Variants in ASTL observed in about 807,000 individuals in gnomAD.
The protein encoded by ASTL is astacin like metalloendopeptidase.
In ASTL, 27 loss-of-function variants were observed where a neutral mutation model predicts 36.7. That is an observed-to-expected ratio of 0.73 (90% confidence interval 0.54 to 1.01). The LOEUF (loss-of-function observed/expected upper bound fraction) is 1.01. Among genes scored for constraint, ASTL ranks in the 50% least tolerant of loss-of-function variants. ASTL has a pLI of 0.00. For synonymous variants in ASTL, 222 were observed against 228.1 expected (o/e 0.97, Z 0.24); for missense variants, 524 against 572.8 (o/e 0.91, Z 0.87).
At chr2:96,126,585 C>T (rs946155771) in intron 8 of ASTL, among the ~76,000 whole-genome samples, 10 of 152,132 alleles carry the variant, frequency 6.6e-5, no homozygotes, top group Non-Finnish European at 1.5e-4. Flanking sequence ...ATCTTAGGCA[C>T]AGTGGCTCAC....
chr2:96,137,498 TTC>T, intron 2 of ASTL, 75 bp downstream of exon 2: 1 of 1,515,244 alleles, frequency 6.6e-7, no homozygotes, highest in Non-Finnish European at 9.1e-7. Flanking sequence ...GGCTCTGCAT[TTC>T]TGAGTGTTCG....
At chr2:96,138,113 G>A (rs1682342960) in intron 1 of ASTL, among the ~76,000 whole-genome samples, 1 of 152,142 alleles carries the variant, frequency 6.6e-6, no homozygotes, top group Admixed American at 6.5e-5. Context: ...GGCTGGAGTG[G>A]GGACTTACAG....
At chr2:96,134,907 C>T (rs574576249) in intron 3 of ASTL, among the ~76,000 whole-genome samples, 1 of 152,334 alleles carries the variant, frequency 6.6e-6, no homozygotes, top group East Asian at 1.9e-4. Flanking sequence ...AGATGCGGCC[C>T]CTCGACCACA....
At position 96,124,866 on chromosome 2, in the gene ASTL, C is replaced by T. The variant is rs2104762678; in HGVS notation, c.875-595G>A. Among the ~76,000 whole-genome samples the T allele has an allele frequency of 6.6e-6, 1 of 152,294 alleles. No homozygotes were observed. Among genetic ancestry groups the T allele is most frequent in the Non-Finnish European group, 1.5e-5 (1 of 68,014 alleles). On this transcript the variant is annotated intron_variant, in intron 8 of 8. Transcript: ENST00000342380. This position sits in a 1 kb window ranked among gnomAD's most constrained non-coding sequence, Gnocchi z 4.1. ...CCTCCTGCGCATGCAGCGAGGGCTTCACCAGGAGCCTCTTCCCTCAGCTGA... is the reference window on the plus strand; with the variant it reads ...CCTCCTGCGCATGCAGCGAGGGCTTTACCAGGAGCCTCTTCCCTCAGCTGA...
At chr2:96,135,297 C>T (rs1426183508) in intron 3 of ASTL, 54 bp downstream of exon 3, 5 of 1,519,188 alleles carry the variant, frequency 3.3e-6, no homozygotes, top group Non-Finnish European at 3.6e-6. Flanking sequence ...CTCAGAGGAC[C>T]TGTCGCCAAC....
chr2:96,130,078 C>T lies in ASTL; in HGVS notation c.705G>A (p.Val235=), dbSNP rs1682143393. The T allele has an allele frequency of 6.2e-7, 1 of 1,614,088 alleles. No individual in the cohort carries two copies. Among genetic ancestry groups the T allele is most frequent in the South Asian group, 1.1e-5 (1 of 91,088 alleles). ...NMLTPYDYSS[V]MHYGRLAFSR... ...AGGGTCCTCACCTCCCATAGTGCATCACAGAGGAGTAGTCATAGGGCGTCA... is the reference window on the plus strand; with the variant it reads ...AGGGTCCTCACCTCCCATAGTGCATTACAGAGGAGTAGTCATAGGGCGTCA... The change falls in exon 7 of 9, where the codon GTG becomes GTA. Residue 235 remains valine, a synonymous_variant. Transcript: ENST00000342380.
Position 96,123,472 on chromosome 2 carries a change from C to T in ASTL, c.*378G>A, listed in dbSNP as rs1681997643. Among the ~76,000 whole-genome samples, 1 of 152,160 alleles carries T rather than the reference C, an allele frequency of 6.6e-6. No homozygotes were observed. Among genetic ancestry groups the T allele is most frequent in the Non-Finnish European group, 1.5e-5 (1 of 68,000 alleles). ...GAGGTAGGGACACCATTAGTCCATG[C>T]TGGGGGGCAGGGCCTCAGGCACAGG... On this transcript the variant is annotated 3_prime_UTR_variant, in exon 9 of 9. Transcript: ENST00000342380.
At chr2:96,133,932 G>A (rs1682240071) in intron 4 of ASTL, 33 bp downstream of exon 4, 1 of 1,440,866 alleles carries the variant, frequency 6.9e-7, no homozygotes, top group Non-Finnish European at 9.8e-7. Context: ...AGAAGGGGCT[G>A]AGGCAGGGAG....
At chr2:96,133,312 G>T in intron 5 of ASTL, 113 bp downstream of exon 5, 1 of 813,480 alleles carries the variant, frequency 1.2e-6, no homozygotes, top group South Asian at 1.5e-5. Flanking sequence ...GGGTGGGCAG[G>T]GAGACTGAGC....
Position 96,129,995 on chromosome 2 carries a change from GACCCCTGAGTCCAGATC to G in ASTL, c.720-34_720-18del. 6.2e-7 allele frequency: 1 copy of G among 1,606,742 alleles called. No individual in the cohort carries two copies. Among genetic ancestry groups the G allele is most frequent in the Non-Finnish European group, 8.5e-7 (1 of 1,173,848 alleles). ...AAGGCGAGCCTGGAACCCAGCGGGA[GACCCCTGAGTCCAGATC>G]ACCACGGGAGAGGCTGGGGGAAGCA... is the stretch of plus-strand genomic sequence containing the variant. On this transcript the variant is annotated intron_variant, in intron 7 of 8. Coordinates refer to ENST00000342380, the MANE Select transcript of ASTL (RefSeq NM_001002036.4).
chr2:96,123,823 C>T lies in ASTL; in HGVS notation c.*27G>A. 2 of 1,594,666 alleles carry T rather than the reference C, an allele frequency of 1.3e-6. No homozygotes were observed. Among genetic ancestry groups the T allele is most frequent in the Middle Eastern group, 1.7e-4 (1 of 5,982 alleles). On this transcript the variant is annotated 3_prime_UTR_variant, in exon 9 of 9. Coordinates refer to ENST00000342380, the MANE Select transcript of ASTL (RefSeq NM_001002036.4). ...AGCTCCACTGGGCAGAGGATGCCCTCCCTACTTGGGGACAGAAGCCACAGG... is the reference window on the plus strand; with the variant it reads ...AGCTCCACTGGGCAGAGGATGCCCTTCCTACTTGGGGACAGAAGCCACAGG...
rs1188663804 is a variant in ASTL, at chr2:96,132,869, T to C, written c.456-148A>G. On this transcript the variant is annotated intron_variant, in intron 5 of 8. Coordinates refer to ENST00000342380, the MANE Select transcript of ASTL (RefSeq NM_001002036.4). This position sits in a 1 kb window ranked among gnomAD's most constrained non-coding sequence, Gnocchi z 5.4. ...TGGGCTCTAGTCTCAGGTTCACCAT[T>C]CTCCAGGCCCCTTTACTGCCTGGAC... 3 of 703,680 alleles carry C rather than the reference T, an allele frequency of 4.3e-6. No individual in the cohort carries two copies. Among genetic ancestry groups the C allele is most frequent in the Non-Finnish European group, 6.7e-6 (3 of 445,000 alleles). 43.6% of individuals were successfully genotyped at this position (703,680 alleles called of 1,614,324 possible). A position where few individuals can be genotyped will look rare whatever the true frequency, so the allele number is the denominator to read the frequency against.
At chr2:96,128,798 G>A (rs1199791436) in intron 8 of ASTL, among the ~76,000 whole-genome samples, 2 of 152,050 alleles carry the variant, frequency 1.3e-5, no homozygotes, top group African/African-American at 2.4e-5. Context: ...CCTGTCAATC[G>A]GGAGGCCAAG....
intron 2 of ASTL, among the ~76,000 whole-genome samples, chr2:96,136,255 C>G (rs547439596): frequency 6.6e-6 from 1 of 152,368 alleles, no homozygotes; most frequent in East Asian, 1.9e-4. Context: ...GAGCCAGACT[C>G]CTGTCCCTTA....
intron 2 of ASTL, 51 bp downstream of exon 2, chr2:96,137,524 A>G (rs1482457324): frequency 2.5e-6 from 4 of 1,582,512 alleles, no homozygotes; most frequent in Non-Finnish European, 3.5e-6. Flanking sequence ...TGGTTTTCAC[A>G]CTACATAACG....
chr2:96,126,809 T>C (rs952998674), intron 8 of ASTL, among the ~76,000 whole-genome samples: 6 of 151,708 alleles, frequency 4.0e-5, no homozygotes, highest in Non-Finnish European at 7.4e-5. Context: ...TGAGGCAAGA[T>C]TGCATCATTG....
chr2:96,123,131 C>A lies in ASTL; in HGVS notation c.*719G>T, dbSNP rs1309160121. Reference sequence around the variant, plus strand: ...AAGCCAGGTAACCCCAGCCCTTTCTCCTTCCAAGGCTGCGCCTGGCTGAGC... The same window carrying A: ...AAGCCAGGTAACCCCAGCCCTTTCTACTTCCAAGGCTGCGCCTGGCTGAGC... On this transcript the variant is annotated 3_prime_UTR_variant, in exon 9 of 9. Transcript: ENST00000342380. 6.6e-6 allele frequency among the ~76,000 whole-genome samples: 1 copy of A among 152,230 alleles called. No individual in the cohort carries two copies. Among genetic ancestry groups the A allele is most frequent in the Non-Finnish European group, 1.5e-5 (1 of 68,032 alleles).
rs1682242600 is a variant in ASTL, at chr2:96,134,024, T to C, written c.278A>G (p.Lys93Arg). 1.2e-6 allele frequency: 2 copies of C among 1,613,798 alleles called. No individual in the cohort carries two copies. The highest frequency in any genetic ancestry group is 2.2e-5 in the East Asian group (1 of 44,876). Residue 93 changes from lysine to arginine, a missense_variant, in exon 4 of 9, where the codon AAA (lysine) becomes AGA (arginine). By Grantham distance (26) the Lys-to-Arg change is conservative. Transcript: ENST00000342380. ...PFRLLSATSN[K>R]WPMGGSGVVE... ...GACACCACTACCACCCATGGGCCAT[T>C]TGTTGCTGGTTGCTGACAGCAGTCG...
In ASTL at chr2:96,134,064, G is replaced by T; in HGVS notation, c.244-6C>A. On this transcript the variant is annotated splice_region_variant and splice_polypyrimidine_tract_variant and intron_variant, in intron 3 of 8. Transcript: ENST00000342380. ...GACAGCAGTCGGAAGGGACTCTGAG[G>T]AGAGAGCAGCAGTTCAACCCCTGGG... 6.2e-7 allele frequency: 1 copy of T among 1,608,558 alleles called. No homozygotes were observed. The highest frequency in any genetic ancestry group is 1.1e-5 in the South Asian group (1 of 90,914).
Sources: allele counts gnomAD v4.1 joint callset (sites outside exome capture counted in the v4.1 genomes callset), GRCh38; gene constraint gnomAD v4.1.1; non-coding constraint Gnocchi (gnomAD v3.1); transcripts MANE v1.5; gene names NCBI Gene and HGNC (gene_info 2026-07-23, HGNC 2026-07-21).